GALNT13: variants seen among roughly 807,000 people sequenced by gnomAD.
GALNT13 encodes the protein UDP-GalNAc:polypeptide N-acetylgalactosaminyltransferase 13.
A neutral mutation model predicts 64.2 loss-of-function variants in GALNT13; 28 were observed. The ratio of observed to expected loss-of-function variants is 0.44; its 90% CI spans 0.32 to 0.60. The LOEUF is 0.60. Among genes scored for constraint, GALNT13 ranks in the 20% least tolerant of loss-of-function variants. The probability of loss-of-function intolerance (pLI) is 0.05; values close to 1 mark genes in which losing one functional copy is unlikely to be tolerated. For synonymous variants in GALNT13, 214 were observed against 224.6 expected (o/e 0.95, Z 0.42); for missense variants, 577 against 669.8 (o/e 0.86, Z 1.53).
At chr2:153,419,952 A>G in the GALNT13 span, among the ~76,000 whole-genome samples, 3 of 152,204 alleles carry the variant, frequency 2.0e-5, no homozygotes, top group African/African-American at 7.2e-5. Context: ...AGTTTACAAC[A>G]GACCTACCTA....
At chr2:153,915,441 CT>C (rs2105324829) in intron 2 of GALNT13, among the ~76,000 whole-genome samples, 1 of 152,200 alleles carries the variant, frequency 6.6e-6, no homozygotes, top group South Asian at 2.1e-4. Flanking sequence ...AATTCTGATC[CT>C]TAAGTATTTG....
chr2:153,318,061 C>G, the GALNT13 span, among the ~76,000 whole-genome samples: 1 of 147,888 alleles, frequency 6.8e-6, no homozygotes, highest in Non-Finnish European at 1.5e-5. Context: ...TTTAAGACTT[C>G]TAAAAGAAAA....
chr2:153,406,968 CATA>C, the GALNT13 span, among the ~76,000 whole-genome samples: 1 of 151,916 alleles, frequency 6.6e-6, no homozygotes, highest in Admixed American at 6.6e-5. Context: ...TAAATTGAAA[CATA>C]AGTCTGATCT....
the GALNT13 span, among the ~76,000 whole-genome samples, chr2:153,297,716 A>G: frequency 6.6e-6 from 1 of 152,216 alleles, no homozygotes; most frequent in East Asian, 1.9e-4. Flanking sequence ...ATGAGCAGTC[A>G]TTCAGGCTCC....
chr2:153,972,973 A>G (rs1221697743), intron 3 of GALNT13, among the ~76,000 whole-genome samples: 1 of 152,088 alleles, frequency 6.6e-6, no homozygotes, highest in Non-Finnish European at 1.5e-5. Flanking sequence ...CTTAGAATTC[A>G]TGTAAGCTAT....
the GALNT13 span, among the ~76,000 whole-genome samples, chr2:153,707,924 C>G: frequency 6.6e-6 from 1 of 152,050 alleles, no homozygotes; most frequent in African/African-American, 2.4e-5. Flanking sequence ...CCTACTATAC[C>G]TTATTTTGGT....
the GALNT13 span, among the ~76,000 whole-genome samples, chr2:153,697,552 T>G: frequency 6.6e-6 from 1 of 152,212 alleles, no homozygotes; most frequent in African/African-American, 2.4e-5. Flanking sequence ...GAGAAAAATA[T>G]TCTAAACAAG....
At chr2:153,768,316 A>G in the GALNT13 span, among the ~76,000 whole-genome samples, 16 of 152,298 alleles carry the variant, frequency 1.1e-4, no homozygotes, top group African/African-American at 3.4e-4. Context: ...CATTTGCTCT[A>G]TAGTCCAGTT....
At chr2:153,969,112 C>T (rs75721117) in intron 3 of GALNT13, among the ~76,000 whole-genome samples, 9,362 of 151,950 alleles carry the variant, frequency 0.062, 601 homozygotes, top group African/African-American at 0.16. Flanking sequence ...TTAAAATTAA[C>T]GTGTAGAAAA....
At chr2:153,751,343 T>C in the GALNT13 span, among the ~76,000 whole-genome samples, 1 of 151,886 alleles carries the variant, frequency 6.6e-6, no homozygotes, top group Non-Finnish European at 1.5e-5. Flanking sequence ...CTAATGCAGT[T>C]TAAGTCTCAT....
intron 4 of GALNT13, among the ~76,000 whole-genome samples, chr2:154,179,077 A>G (rs1347448126): frequency 6.6e-6 from 1 of 152,144 alleles, no homozygotes; most frequent in Admixed American, 6.5e-5. Context: ...ACATCTGCCC[A>G]ATAAACTCTC....
the GALNT13 span, among the ~76,000 whole-genome samples, chr2:153,803,775 T>C: frequency 6.6e-6 from 1 of 151,416 alleles, no homozygotes; most frequent in Non-Finnish European, 1.5e-5. Flanking sequence ...CACGAAGAGG[T>C]CATATGAGCA....
chr2:153,242,649 A>G, the GALNT13 span, among the ~76,000 whole-genome samples: 1 of 152,204 alleles, frequency 6.6e-6, no homozygotes, highest in African/African-American at 2.4e-5. Context: ...AGCTATATGT[A>G]TTTAGAAGGA....
At chr2:153,447,083 T>C in the GALNT13 span, among the ~76,000 whole-genome samples, 1 of 152,204 alleles carries the variant, frequency 6.6e-6, no homozygotes, top group Non-Finnish European at 1.5e-5. Context: ...CTCTTTTGTT[T>C]CCTGATTTTT....
chr2:153,770,824 A>G, the GALNT13 span, among the ~76,000 whole-genome samples: 1 of 152,174 alleles, frequency 6.6e-6, no homozygotes, highest in African/African-American at 2.4e-5. Flanking sequence ...AGCTAGGCAG[A>G]CCCACCTACA....
chr2:154,032,585 C>T (rs1025182127), intron 3 of GALNT13, among the ~76,000 whole-genome samples: 3 of 151,648 alleles, frequency 2.0e-5, no homozygotes, highest in Non-Finnish European at 4.4e-5. Flanking sequence ...TGTATTTATC[C>T]AGAAAATCCA....
At chr2:154,137,842 T>C (rs1221555881) in intron 3 of GALNT13, among the ~76,000 whole-genome samples, 2 of 152,000 alleles carry the variant, frequency 1.3e-5, no homozygotes, top group Admixed American at 1.3e-4. Context: ...TCCCCAAATA[T>C]GCCACTTTGT....
chr2:153,339,290 C>T, the GALNT13 span, among the ~76,000 whole-genome samples: 5 of 152,278 alleles, frequency 3.3e-5, no homozygotes, highest in African/African-American at 9.6e-5. Context: ...TTATCATTTA[C>T]CTTTTTGATA....
At chr2:153,257,177 G>A in the GALNT13 span, among the ~76,000 whole-genome samples, 2 of 152,300 alleles carry the variant, frequency 1.3e-5, no homozygotes, top group East Asian at 1.9e-4. Context: ...TAAGCCCGTC[G>A]GAAAAGCGCA....
Sources: gnomAD v4.1 joint callset for allele counts (sites outside exome capture counted in the v4.1 genomes callset) on GRCh38, gnomAD v4.1.1 for gene constraint, MANE v1.5 for transcripts, NCBI Gene and HGNC (gene_info 2026-07-23, HGNC 2026-07-21) for gene names.